MAP3K4: variants seen among roughly 807,000 people sequenced by gnomAD.
MAP3K4 encodes MAP three kinase 1.
A neutral mutation model predicts 185.6 loss-of-function variants in MAP3K4; 67 were observed. The observed-to-expected ratio is 0.36, with a 90% CI of 0.30 to 0.44. The LOEUF (loss-of-function observed/expected upper bound fraction) is 0.44, where lower values mean the gene tolerates loss of function less well. MAP3K4 is among the 20% of genes least tolerant of loss of function. The pLI is 1.00. For synonymous variants in MAP3K4, 702 were observed against 710.4 expected (o/e 0.99, Z 0.19); for missense variants, 1,551 against 1,995.1 (o/e 0.78, Z 4.24).
intron 7 of MAP3K4, among the ~76,000 whole-genome samples, chr6:161,085,660 G>A (rs542135975): frequency 1.9e-4 from 29 of 152,320 alleles, no homozygotes; most frequent in African/African-American, 5.1e-4. Context: ...TCTCACCTGG[G>A]AAAATATTGA....
rs926611173 is a variant in MAP3K4 at position 161,086,326 on chromosome 6, A to C, written c.2373-53A>C. 9.8e-7 allele frequency: 1 copy of C among 1,024,072 alleles called. No individual in the cohort carries two copies. The highest frequency in any genetic ancestry group is 1.6e-5 in the African/African-American group (1 of 62,208). The allele number at this position is 1,024,072 out of a possible 1,614,324, so 63.4% of individuals were successfully genotyped here. A position where few individuals can be genotyped will look rare whatever the true frequency, so the allele number is the denominator to read the frequency against. On this transcript the variant is annotated intron_variant, in intron 7 of 26. Transcript: ENST00000392142. This position sits in a 1 kb window ranked among gnomAD's most constrained non-coding sequence, Gnocchi z 4.8. The stretch of plus-strand genomic sequence containing the variant: ...ATCTTTATTGTTAAATCCCTCTTGC[A>C]CCTCTGGAATATTCCCTAATGTGTT...
Position 161,091,321 on chromosome 6 carries a change from G to T in MAP3K4, c.2974-58G>T. 3 of 1,388,888 alleles carry T rather than the reference G, an allele frequency of 2.2e-6. No individual in the cohort carries two copies. In the Admixed American group the frequency reaches 6.3e-5, roughly 29 times the overall value. 86.0% of individuals were successfully genotyped at this position (1,388,888 alleles called of 1,614,324 possible). A position where few individuals can be genotyped will look rare whatever the true frequency, so the allele number is the denominator to read the frequency against. On this transcript the variant is annotated intron_variant, in intron 11 of 26. Coordinates refer to ENST00000392142, the MANE Select transcript of MAP3K4 (RefSeq NM_005922.4). This position sits in a 1 kb window ranked among gnomAD's most constrained non-coding sequence, Gnocchi z 5.5. ...GATGAACGAAATCTTCCTTTAAAAT[G>T]TGGTAAGTATTGTATGATTTGCTTC...
At position 161,086,463 on chromosome 6, in the gene MAP3K4, T is replaced by G. The variant is rs1321613900; in HGVS notation, c.2457T>G (p.Ala819=). 6.2e-7 allele frequency: 1 copy of G among 1,613,898 alleles called. No individual in the cohort carries two copies. The highest frequency in any genetic ancestry group is 1.3e-5 in the African/African-American group (1 of 74,938). ...GGGCTTCCAAAGCACTTGGATTTGCTAAAATGTTGAGAAAGGTGAGCTTGC... is the reference window on the plus strand; with the variant it reads ...GGGCTTCCAAAGCACTTGGATTTGCGAAAATGTTGAGAAAGGTGAGCTTGC... The part of the protein sequence containing the change: ...RERASKALGF[A]KMLRKDLEIA... Residue 819 remains alanine, a synonymous_variant, in exon 8 of 27, where the codon GCT becomes GCG. Transcript: ENST00000392142. This position sits in a 1 kb window ranked among gnomAD's most constrained non-coding sequence, Gnocchi z 4.8.
intron 1 of MAP3K4, among the ~76,000 whole-genome samples, chr6:160,993,870 A>C (rs558539889): frequency 2.6e-5 from 4 of 152,026 alleles, no homozygotes; most frequent in African/African-American, 9.6e-5. Flanking sequence ...TATTTTTCTT[A>C]GCAACATTGC....
In MAP3K4 at chr6:161,103,659, G is replaced by T. The variant is rs1380784665; in HGVS notation, c.3856+880G>T. Reference sequence around the variant, plus strand: ...TAAGTAATGAAGGCTTTGCCCAGAGGTGGTGGGCAGCCCCAGAGGCTCTTG... The same window carrying T: ...TAAGTAATGAAGGCTTTGCCCAGAGTTGGTGGGCAGCCCCAGAGGCTCTTG... On this transcript the variant is annotated intron_variant, in intron 19 of 26. Coordinates refer to ENST00000392142, the MANE Select transcript of MAP3K4 (RefSeq NM_005922.4). The surrounding 1 kb of genome is among the most constrained non-coding windows in gnomAD (Gnocchi z 4.6). Among the ~76,000 whole-genome samples, 2 of 152,328 alleles carry T rather than the reference G, an allele frequency of 1.3e-5. No homozygotes were observed. Among genetic ancestry groups the T allele is most frequent in the East Asian group, 3.9e-4 (2 of 5,182 alleles).
In MAP3K4 at chr6:161,048,288, GA is replaced by G. The variant is rs746497770; in HGVS notation, c.344-326del. On this transcript the variant is annotated intron_variant, in intron 2 of 26. Transcript: ENST00000392142. This position sits in a 1 kb window ranked among gnomAD's most constrained non-coding sequence, Gnocchi z 4.7. ...CATGCTGTTTCTTCCTCCTTAAATTGAAGGTGATTACTTACGGAAATTTGGT... is the reference window on the plus strand; with the variant it reads ...CATGCTGTTTCTTCCTCCTTAAATTGAGGTGATTACTTACGGAAATTTGGT... The G allele has an allele frequency of 3.6e-6, 2 of 558,584 alleles. No homozygotes were observed. The highest frequency in any genetic ancestry group is 7.2e-6 in the Non-Finnish European group (2 of 277,778). The allele number at this position is 558,584 out of a possible 1,614,324, so 34.6% of individuals were successfully genotyped here.
At chr6:161,003,950 A>C (rs1781453720) in intron 1 of MAP3K4, among the ~76,000 whole-genome samples, 1 of 151,802 alleles carries the variant, frequency 6.6e-6, no homozygotes, top group African/African-American at 2.4e-5. Context: ...ATAAGAGTTA[A>C]TCTTTACTGG....
At chr6:161,003,177 T>C (rs907725203) in intron 1 of MAP3K4, among the ~76,000 whole-genome samples, 6 of 152,224 alleles carry the variant, frequency 3.9e-5, no homozygotes, top group African/African-American at 1.4e-4. Flanking sequence ...TTTAAGGCTT[T>C]TGAGAGGTGT....
chr6:161,087,890 G>T lies in MAP3K4; in HGVS notation c.2759G>T (p.Trp920Leu), dbSNP rs765978348. 6.2e-7 allele frequency: 1 copy of T among 1,614,118 alleles called. No individual in the cohort carries two copies. Among genetic ancestry groups the T allele is most frequent in the South Asian group, 1.1e-5 (1 of 91,068 alleles). Residue 920 changes from tryptophan (W) to leucine (L), a missense_variant, in exon 10 of 27, where the codon TGG (tryptophan) becomes TTG (leucine). Trp to Leu is a moderately conservative substitution (Grantham distance 61). Around this residue, in one of 16 missense-constraint regions of MAP3K4, gnomAD observed 261 missense variants for 306.5 expected, o/e 0.85. Transcript: ENST00000392142. The surrounding 1 kb of genome is among the most constrained non-coding windows in gnomAD (Gnocchi z 4.9). The stretch of plus-strand genomic sequence containing the variant: ...GATTCAGAGGACAGCTGGGGCACCT[G>T]GGAGGCACAGCCTGTCAAAGTCGTG... The part of the protein sequence containing the change: ...ARDSEDSWGT[W>L]EAQPVKVVPQ...
At chr6:161,003,000 A>G (rs1216355411) in intron 1 of MAP3K4, among the ~76,000 whole-genome samples, 1 of 151,246 alleles carries the variant, frequency 6.6e-6, no homozygotes, top group Non-Finnish European at 1.5e-5. Context: ...CTCTAGATGT[A>G]TATCCCATAA....
At chr6:161,028,797 T>C (rs1297195754) in intron 1 of MAP3K4, among the ~76,000 whole-genome samples, 1 of 152,166 alleles carries the variant, frequency 6.6e-6, no homozygotes, top group Non-Finnish European at 1.5e-5. Context: ...AAAAGTTAGA[T>C]AGTACATGTT....
chr6:161,073,764 T>C lies in MAP3K4; in HGVS notation c.2097+152T>C. The C allele has an allele frequency of 1.2e-6, 1 of 812,844 alleles. No homozygotes were observed. Among genetic ancestry groups the C allele is most frequent in the East Asian group, 3.0e-5 (1 of 33,540 alleles). The allele number at this position is 812,844 out of a possible 1,614,324, so 50.4% of individuals were successfully genotyped here. On this transcript the variant is annotated intron_variant, in intron 5 of 26. Transcript: ENST00000392142. This position sits in a 1 kb window ranked among gnomAD's most constrained non-coding sequence, Gnocchi z 4.2. The stretch of plus-strand genomic sequence containing the variant: ...ATTATAGAAATGATCCCTGAAAGTA[T>C]AGCTTGTGTGTGTGTATTGCGGAGG...
chr6:161,059,954 T>C (rs1387890294), intron 3 of MAP3K4, among the ~76,000 whole-genome samples: 3 of 151,982 alleles, frequency 2.0e-5, no homozygotes, highest in African/African-American at 7.3e-5. Context: ...CACATGTTTC[T>C]ATTTTCTGTG....
intron 19 of MAP3K4, among the ~76,000 whole-genome samples, chr6:161,105,937 G>A (rs1372641074): frequency 6.6e-6 from 1 of 151,704 alleles, no homozygotes; most frequent in Non-Finnish European, 1.5e-5. Flanking sequence ...CCGGGCACAA[G>A]GGATCCTCCC....
Position 161,106,609 on chromosome 6 carries a change from A to G in MAP3K4, c.3952A>G (p.Ile1318Val), listed in dbSNP as rs1181759156. ...RYREMRRKNIIGQVCDTPKSY... is the reference protein window; with the variant it reads ...RYREMRRKNIVGQVCDTPKSY... ...CCGAGAAATGAGGAGAAAGAATATC[A>G]TTGGTCAAGTTTGTGATACGCCTAA... Residue 1318 changes from isoleucine (I) to valine (V), a missense_variant, in exon 20 of 27, where the codon ATT (isoleucine) becomes GTT (valine). This residue lies in a region of MAP3K4 where 272 missense variants were observed against 301.2 expected (regional missense o/e 0.90). Coordinates refer to ENST00000392142, the MANE Select transcript of MAP3K4 (RefSeq NM_005922.4). The surrounding 1 kb of genome is among the most constrained non-coding windows in gnomAD (Gnocchi z 4.9). The G allele has an allele frequency of 1.2e-6, 2 of 1,613,968 alleles. No homozygotes were observed. Among genetic ancestry groups the G allele is most frequent in the African/African-American group, 2.7e-5 (2 of 74,934 alleles).
chr6:160,992,299 G>GT (rs939466815), intron 1 of MAP3K4: 23 of 588,204 alleles, frequency 3.9e-5, no homozygotes, highest in African/African-American at 3.0e-4. Flanking sequence ...GCTCCGCAGG[G>GT]TTCCGCTCGA....
rs979464828 is a variant in MAP3K4 at position 161,110,996 on chromosome 6, G to A, written c.4397-840G>A. On this transcript the variant is annotated intron_variant, in intron 23 of 26. Coordinates refer to ENST00000392142, the MANE Select transcript of MAP3K4 (RefSeq NM_005922.4). The surrounding 1 kb of genome is among the most constrained non-coding windows in gnomAD (Gnocchi z 4.8). ...GAATCTGAAGCAGGTCAGCTCACTG[G>A]TGTCTTATCCAATGCTTTCTAGTTC... Among the ~76,000 whole-genome samples, 10 of 152,214 alleles carry A rather than the reference G, an allele frequency of 6.6e-5. No homozygotes were observed. Among genetic ancestry groups the A allele is most frequent in the African/African-American group, 2.4e-4 (10 of 41,462 alleles).
chr6:161,091,324 G>T lies in MAP3K4; in HGVS notation c.2974-55G>T. On this transcript the variant is annotated intron_variant, in intron 11 of 26. Transcript: ENST00000392142. This position sits in a 1 kb window ranked among gnomAD's most constrained non-coding sequence, Gnocchi z 5.5. ...GAACGAAATCTTCCTTTAAAATGTGGTAAGTATTGTATGATTTGCTTCATT... is the reference window on the plus strand; with the variant it reads ...GAACGAAATCTTCCTTTAAAATGTGTTAAGTATTGTATGATTTGCTTCATT... 7.0e-7 allele frequency: 1 copy of T among 1,436,774 alleles called. No individual in the cohort carries two copies. The highest frequency in any genetic ancestry group is 9.5e-7 in the Non-Finnish European group (1 of 1,052,308). The allele number at this position is 1,436,774 out of a possible 1,614,324, so 89.0% of individuals were successfully genotyped here.
At chr6:161,089,618 T>C in intron 11 of MAP3K4, 147 bp downstream of exon 11, 1 of 726,258 alleles carries the variant, frequency 1.4e-6, no homozygotes, top group Non-Finnish European at 2.2e-6. Flanking sequence ...CATATTTTCT[T>C]ATGTCTAAAC....
Sources: allele counts gnomAD v4.1 joint callset (sites outside exome capture counted in the v4.1 genomes callset), GRCh38; gene constraint gnomAD v4.1.1; regional missense constraint gnomAD v4.1.1; non-coding constraint Gnocchi (gnomAD v3.1); transcripts MANE v1.5; gene names NCBI Gene and HGNC (gene_info 2026-07-23, HGNC 2026-07-21).